The following CFAP20DC variants were observed in gnomAD, a reference collection of about 807,000 sequenced individuals.
CFAP20DC encodes CFAP20 domain containing.
CFAP20DC carries 84 observed loss-of-function variants against 101.7 expected under a neutral mutation model. That is an observed-to-expected ratio of 0.83 (90% CI 0.69 to 0.99). The LOEUF is 0.99. Among genes scored for constraint, CFAP20DC ranks in the 50% least tolerant of loss-of-function variants. CFAP20DC has a pLI of 0.00. For synonymous variants in CFAP20DC, 359 were observed against 351.2 expected (o/e 1.02, Z -0.25); for missense variants, 1,007 against 970.3 (o/e 1.04, Z -0.50).
Position 58,717,595 on chromosome 3 carries a change from T to G in CFAP20DC, c.233A>C (p.Gln78Pro). 1 of 453,796 alleles carries G rather than the reference T, an allele frequency of 2.2e-6. No homozygotes were observed. The highest frequency in any genetic ancestry group is 2.0e-5 in the African/African-American group (1 of 49,890). 28.1% of individuals were successfully genotyped at this position (453,796 alleles called of 1,614,324 possible). ...AGAGTGTGAGTTTTGCCTTCACAGT[T>G]GCAAAATGGCTGTAGCACTTCCAGA... Residue 78 changes from glutamine to proline, a missense_variant, in exon 4 of 4, where the codon CAA (glutamine) becomes CCA (proline). Transcript: ENST00000486145. This position sits in a 1 kb window ranked among gnomAD's most constrained non-coding sequence, Gnocchi z 4.1.
At chr3:58,816,727 T>G (rs533026946) in intron 14 of CFAP20DC, among the ~76,000 whole-genome samples, 1 of 152,272 alleles carries the variant, frequency 6.6e-6, no homozygotes, top group African/African-American at 2.4e-5. Context: ...GCGCCCGCCA[T>G]TGCCCAGGCT....
intron 15 of CFAP20DC, among the ~76,000 whole-genome samples, chr3:58,804,720 C>T (rs957188673): frequency 6.6e-6 from 1 of 152,256 alleles, no homozygotes; most frequent in East Asian, 1.9e-4. Flanking sequence ...ACCTTGAAAG[C>T]TTACTCACAT....
chr3:58,821,125 C>G (rs1298565724), intron 14 of CFAP20DC, among the ~76,000 whole-genome samples: 5 of 151,812 alleles, frequency 3.3e-5, no homozygotes, highest in African/African-American at 9.7e-5. Context: ...CTTCCTTACA[C>G]CTTATATAAA....
intron 7 of CFAP20DC, among the ~76,000 whole-genome samples, chr3:58,876,296 G>A (rs536880275): frequency 2.0e-5 from 3 of 151,794 alleles, no homozygotes; most frequent in East Asian, 1.9e-4. Context: ...TACCATAATC[G>A]GGTCCTAATT....
In CFAP20DC at chr3:58,729,703, A is replaced by T. The variant is rs796937416; in HGVS notation, c.198-12075T>A. The stretch of plus-strand genomic sequence containing the variant: ...TTGTTCCCAATGCAAGGCCTGGTCT[A>T]TACCAAATTAGTCTGCTATTATTGA... On this transcript the variant is annotated intron_variant, in intron 3 of 3. Coordinates refer to the CFAP20DC transcript ENST00000486145. This position sits in a 1 kb window ranked among gnomAD's most constrained non-coding sequence, Gnocchi z 4.4. Among the ~76,000 whole-genome samples the T allele has an allele frequency of 2.6e-5, 4 of 152,280 alleles. No homozygotes were observed. The highest frequency in any genetic ancestry group is 9.6e-5 in the African/African-American group (4 of 41,556).
chr3:59,007,278 G>C lies in CFAP20DC; in HGVS notation c.278+32279C>G, dbSNP rs2108814614. 6.6e-6 allele frequency among the ~76,000 whole-genome samples: 1 copy of C among 152,230 alleles called. No individual in the cohort carries two copies. The highest frequency in any genetic ancestry group is 1.9e-4 in the East Asian group (1 of 5,170). ...CCCGCCCTGGTAGCTGAACACAAAA[G>C]ACATAAACTCTTGGGAGCTTTGTGG... On this transcript the variant is annotated intron_variant, in intron 4 of 16. Transcript: ENST00000482387. The surrounding 1 kb of genome is among the most constrained non-coding windows in gnomAD (Gnocchi z 4.4).
intron 16 of CFAP20DC, among the ~76,000 whole-genome samples, chr3:58,752,977 GTTAT>G (rs754364094): frequency 7.2e-5 from 11 of 152,106 alleles, no homozygotes; most frequent in Middle Eastern, 3.4e-3. Flanking sequence ...CCACTCTGAG[GTTAT>G]TTGTCACTCC....
chr3:58,958,568 A>AT (rs1477781423), intron 4 of CFAP20DC, among the ~76,000 whole-genome samples: 1 of 152,178 alleles, frequency 6.6e-6, no homozygotes, highest in Admixed American at 6.5e-5. Context: ...GCTGTTTCAT[A>AT]TTCCATCAGC....
intron 7 of CFAP20DC, among the ~76,000 whole-genome samples, chr3:58,872,582 G>A (rs1162454668): frequency 6.6e-6 from 1 of 152,138 alleles, no homozygotes; most frequent in Admixed American, 6.5e-5. Context: ...CAGGAGACAT[G>A]AGGTAGATGT....
Position 58,765,660 on chromosome 3 carries a change from T to C in CFAP20DC, c.2238-11797A>G, listed in dbSNP as rs191802279. 2.2e-3 allele frequency among the ~76,000 whole-genome samples: 332 copies of C among 152,282 alleles called. 4 individuals are homozygous for C. The highest frequency in any genetic ancestry group is 7.6e-3 in the African/African-American group (317 of 41,570). On this transcript the variant is annotated intron_variant, in intron 15 of 16. Transcript: ENST00000482387. ...ATCTAAAACATGGCAATAATTATTATATATCTTTCAATTACAGCATTGAGC... is the reference window on the plus strand; with the variant it reads ...ATCTAAAACATGGCAATAATTATTACATATCTTTCAATTACAGCATTGAGC...
In CFAP20DC at chr3:58,874,736, T is replaced by C. The variant is rs985053663; in HGVS notation, c.716-4427A>G. Among the ~76,000 whole-genome samples the C allele has an allele frequency of 1.3e-5, 2 of 152,196 alleles. No individual in the cohort carries two copies. Among genetic ancestry groups the C allele is most frequent in the East Asian group, 3.8e-4 (2 of 5,202 alleles). On this transcript the variant is annotated intron_variant, in intron 7 of 16. Transcript: ENST00000482387. The surrounding 1 kb of genome is among the most constrained non-coding windows in gnomAD (Gnocchi z 5.1). ...AGTTCCTCCAATATAGGCTCTTCCA[T>C]AAATTTTCCCTCATAGAACTTGTCA...
At chr3:58,750,432 T>C (rs1223006683) in intron 16 of CFAP20DC, among the ~76,000 whole-genome samples, 2 of 152,158 alleles carry the variant, frequency 1.3e-5, no homozygotes, top group Admixed American at 6.6e-5. Context: ...CACTAGGCTA[T>C]TGTGAGAATT....
intron 6 of CFAP20DC, chr3:58,887,470 A>C (rs1025168910): frequency 1.3e-5 from 2 of 152,232 alleles, no homozygotes; most frequent in African/African-American, 4.8e-5. Flanking sequence ...ACTTTAGCTT[A>C]GCGGGCTTGT....
chr3:58,831,431 T>C (rs1270629165), intron 14 of CFAP20DC, among the ~76,000 whole-genome samples: 1 of 152,254 alleles, frequency 6.6e-6, no homozygotes, highest in Non-Finnish European at 1.5e-5. Context: ...AATTGTTCTT[T>C]TTGTTCTTTC....
chr3:58,816,023 G>C (rs1431852340), intron 14 of CFAP20DC, among the ~76,000 whole-genome samples: 1 of 151,776 alleles, frequency 6.6e-6, no homozygotes, highest in Non-Finnish European at 1.5e-5. Context: ...TATACCCAAA[G>C]GACTATAAAT....
In CFAP20DC at chr3:59,049,715, G is replaced by A. The variant is rs1163349896; in HGVS notation, c.-84C>T. The stretch of plus-strand genomic sequence containing the variant: ...TGACCCTGACGGCTGGAAATCGGCT[G>A]GCGGGAACCCAGGAGCCCGACGGGT... On this transcript the variant is annotated 5_prime_UTR_variant, in exon 1 of 17. Coordinates refer to ENST00000482387, the MANE Select transcript of CFAP20DC (RefSeq NM_001394063.1). 5 of 1,500,086 alleles carry A rather than the reference G, an allele frequency of 3.3e-6. No individual in the cohort carries two copies. Among genetic ancestry groups the A allele is most frequent in the Non-Finnish European group, 4.5e-6 (5 of 1,123,466 alleles). 92.9% of individuals were successfully genotyped at this position (1,500,086 alleles called of 1,614,324 possible).
At chr3:58,891,326 A>T (rs537074121) in intron 6 of CFAP20DC, among the ~76,000 whole-genome samples, 2 of 151,752 alleles carry the variant, frequency 1.3e-5, no homozygotes, top group Non-Finnish European at 3.0e-5. Flanking sequence ...AGGCAGGAGA[A>T]TCAGGCAGGG....
At position 58,882,615 on chromosome 3, in the gene CFAP20DC, G is replaced by C. The variant is rs1054118339; in HGVS notation, c.715+1930C>G. Among the ~76,000 whole-genome samples the C allele has an allele frequency of 6.6e-6, 1 of 152,074 alleles. No homozygotes were observed. The highest frequency in any genetic ancestry group is 2.4e-5 in the African/African-American group (1 of 41,404). On this transcript the variant is annotated intron_variant, in intron 7 of 16. Transcript: ENST00000482387. This position sits in a 1 kb window ranked among gnomAD's most constrained non-coding sequence, Gnocchi z 4.2. ...ACATCTTCCATTCAGATTGAATTGT[G>C]ACCCAAAGTGTTTACAGTAGCTGTC...
Position 58,849,179 on chromosome 3 carries a change from A to C in CFAP20DC, c.1824T>G (p.Thr608=), listed in dbSNP as rs775637593. The change falls in exon 13 of 17, where the codon ACT becomes ACG. Residue 608 remains threonine, a synonymous_variant. Coordinates refer to ENST00000482387, the MANE Select transcript of CFAP20DC (RefSeq NM_001394063.1). ...SLLPTTCLSP[T]GRRCGSCQKT... ...TCTGACAGGACCCACACCTTCTTCC[A>C]GTTGGAGAAAGGCATGTTGTAGGCA... is the stretch of plus-strand genomic sequence containing the variant. 1 of 1,536,046 alleles carries C rather than the reference A, an allele frequency of 6.5e-7. No homozygotes were observed. Among genetic ancestry groups the C allele is most frequent in the Non-Finnish European group, 8.7e-7 (1 of 1,146,904 alleles).
Sources: gnomAD v4.1 joint callset for allele counts (sites outside exome capture counted in the v4.1 genomes callset) on GRCh38, gnomAD v4.1.1 for gene constraint, Gnocchi (gnomAD v3.1) non-coding constraint, MANE v1.5 for transcripts, NCBI Gene and HGNC (gene_info 2026-07-23, HGNC 2026-07-21) for gene names.